CCSER1: variants seen among roughly 807,000 people sequenced by gnomAD.
CCSER1 encodes the protein coiled-coil serine rich protein 1.
CCSER1 carries 41 observed loss-of-function variants against 82.0 expected under a neutral mutation model. That is an observed-to-expected ratio of 0.50 (90% CI 0.39 to 0.65). The LOEUF is 0.65. CCSER1 is among the 30% of genes least tolerant of loss of function. The pLI, the probability that CCSER1 is intolerant of heterozygous loss-of-function variation, is 0.00. For missense variants in CCSER1, 1,119 were observed against 1,064.2 expected (o/e 1.05, Z -0.72); for synonymous variants, 414 against 383.9 (o/e 1.08, Z -0.92).
At chr4:91,158,600 A>G (rs879441492) in intron 10 of CCSER1, among the ~76,000 whole-genome samples, 8 of 148,594 alleles carry the variant, frequency 5.4e-5, no homozygotes, top group East Asian at 3.9e-4. Flanking sequence ...AATTTAAAAC[A>G]TTTCTCTCTC....
intron 10 of CCSER1, among the ~76,000 whole-genome samples, chr4:91,213,721 C>A (rs1430160711): frequency 6.6e-6 from 1 of 152,100 alleles, no homozygotes; most frequent in Non-Finnish European, 1.5e-5. Context: ...ACAATAAAGT[C>A]ATTGTAGCAA....
intron 9 of CCSER1, among the ~76,000 whole-genome samples, chr4:90,991,048 T>G (rs1168580071): frequency 6.6e-6 from 1 of 151,904 alleles, no homozygotes; most frequent in East Asian, 1.9e-4. Flanking sequence ...GCCCAGGAAT[T>G]GCCTTTTTAA....
At chr4:90,877,166 G>T (rs1488319801) in intron 8 of CCSER1, among the ~76,000 whole-genome samples, 4 of 152,030 alleles carry the variant, frequency 2.6e-5, no homozygotes, top group African/African-American at 4.8e-5. Context: ...ATAAGGTGCA[G>T]GTAAAAAGCT....
chr4:90,698,419 C>A (rs564485354), intron 6 of CCSER1, among the ~76,000 whole-genome samples: 1 of 152,226 alleles, frequency 6.6e-6, no homozygotes, highest in African/African-American at 2.4e-5. Context: ...TAAAATCGAG[C>A]AGACAAGGAA....
intron 9 of CCSER1, among the ~76,000 whole-genome samples, chr4:91,026,768 T>G (rs1225330525): frequency 1.3e-5 from 2 of 152,080 alleles, no homozygotes; most frequent in African/African-American, 4.8e-5. Context: ...TAAAAGGCTA[T>G]TAAGCAGATT....
intron 10 of CCSER1, among the ~76,000 whole-genome samples, chr4:91,182,832 G>C (rs1367853728): frequency 6.6e-6 from 1 of 152,214 alleles, no homozygotes; most frequent in Non-Finnish European, 1.5e-5. Flanking sequence ...ACATCCATTT[G>C]CCAAAGTGTG....
intron 1 of CCSER1, among the ~76,000 whole-genome samples, chr4:90,280,466 C>T (rs77402268): frequency 1.4e-4 from 21 of 151,854 alleles, no homozygotes; most frequent in African/African-American, 4.6e-4. Context: ...ATTGTCACAG[C>T]TCTGGATAGT....
intron 10 of CCSER1, among the ~76,000 whole-genome samples, chr4:91,147,735 A>G (rs1326427359): frequency 4.6e-5 from 7 of 152,212 alleles, no homozygotes; most frequent in African/African-American, 1.2e-4. Flanking sequence ...ATTGTTCACC[A>G]AAAATTCAAA....
chr4:90,472,157 CTT>C (rs1764494325), intron 5 of CCSER1, among the ~76,000 whole-genome samples: 1 of 152,070 alleles, frequency 6.6e-6, no homozygotes, highest in African/African-American at 2.4e-5. Flanking sequence ...ATCATTGAGT[CTT>C]TGAAATATAG....
intron 1 of CCSER1, among the ~76,000 whole-genome samples, chr4:90,256,019 T>TA: frequency 6.6e-6 from 1 of 152,288 alleles, no homozygotes; most frequent in Admixed American, 6.5e-5. Flanking sequence ...AGCCTAACTC[T>TA]AGAGTTCTCA....
intron 5 of CCSER1, among the ~76,000 whole-genome samples, chr4:90,546,039 A>G (rs1776709228): frequency 6.6e-6 from 1 of 152,140 alleles, no homozygotes; most frequent in South Asian, 2.1e-4. Context: ...TTATGGCATC[A>G]GATGTGAGTT....
At chr4:91,374,063 G>A (rs1370211025) in intron 10 of CCSER1, among the ~76,000 whole-genome samples, 1 of 152,088 alleles carries the variant, frequency 6.6e-6, no homozygotes. Flanking sequence ...AGCTAGCAGA[G>A]GTTGGTTCAT....
At chr4:90,447,617 C>T (rs1252048156) in intron 4 of CCSER1, among the ~76,000 whole-genome samples, 3 of 152,022 alleles carry the variant, frequency 2.0e-5, no homozygotes, top group Admixed American at 2.0e-4. Flanking sequence ...ACTATAAATT[C>T]CAGGCAGATT....
chr4:90,932,974 GAA>G lies in CCSER1; in HGVS notation c.2172+9529_2172+9530del, dbSNP rs1491368405. Among the ~76,000 whole-genome samples the G allele has an allele frequency of 3.0e-3, 91 of 30,418 alleles. 14 individuals carry two copies. The highest frequency in any genetic ancestry group is 6.6e-3 in the African/African-American group (25 of 3,806). 20.0% of individuals were successfully genotyped at this position (30,418 alleles called of 152,430 possible). ...AGAAAGAAAGAAAGAAAGAAAGAAA[GAA>G]AGAAAGAGAAAGAAAGAAAGAAAGA... On this transcript the variant is annotated intron_variant, in intron 9 of 10. Transcript: ENST00000509176.
At chr4:91,277,323 C>A (rs6532285) in intron 10 of CCSER1, among the ~76,000 whole-genome samples, 2,601 of 151,886 alleles carry the variant, frequency 0.017, 81 homozygotes, top group African/African-American at 0.06. Context: ...TTTGGCGGGG[C>A]TTGGCGGAGA....
chr4:90,371,439 A>G (rs1747395119), intron 3 of CCSER1, among the ~76,000 whole-genome samples: 1 of 152,142 alleles, frequency 6.6e-6, no homozygotes, highest in Non-Finnish European at 1.5e-5. Context: ...CACATTTTAC[A>G]TAACTTGAAA....
At chr4:90,959,329 T>G (rs1472771668) in intron 9 of CCSER1, among the ~76,000 whole-genome samples, 1 of 152,202 alleles carries the variant, frequency 6.6e-6, no homozygotes, top group Non-Finnish European at 1.5e-5. Flanking sequence ...TTGTGATTAT[T>G]CTATTTCTTG....
chr4:91,379,869 C>T (rs1039851551), intron 10 of CCSER1, among the ~76,000 whole-genome samples: 9 of 152,136 alleles, frequency 5.9e-5, no homozygotes, highest in Non-Finnish European at 1.0e-4. Flanking sequence ...TTCCTGCTTT[C>T]TCTTGTGGGC....
chr4:90,479,260 A>T (rs1765539336), intron 5 of CCSER1, among the ~76,000 whole-genome samples: 1 of 152,168 alleles, frequency 6.6e-6, no homozygotes, highest in African/African-American at 2.4e-5. Flanking sequence ...GATTATCACA[A>T]TCAGTACCTC....
Sources: gnomAD v4.1 joint callset for allele counts (sites outside exome capture counted in the v4.1 genomes callset) on GRCh38, gnomAD v4.1.1 for gene constraint, MANE v1.5 for transcripts, NCBI Gene and HGNC (gene_info 2026-07-23, HGNC 2026-07-21) for gene names.